Variants in B4GALNT4 observed in about 807,000 individuals in gnomAD.
B4GALNT4 encodes beta-1,4-N-acetyl-galactosaminyltransferase 4.
A neutral mutation model predicts 110.0 loss-of-function variants in B4GALNT4; 77 were observed. The ratio of observed to expected loss-of-function variants is 0.70; its 90% confidence interval spans 0.58 to 0.85. The LOEUF (loss-of-function observed/expected upper bound fraction) is 0.85. Among genes scored for constraint, B4GALNT4 ranks in the 40% least tolerant of loss-of-function variants. The pLI is 0.00. For missense variants in B4GALNT4, 1,575 were observed against 1,506.0 expected, an observed-to-expected ratio of 1.05 and a Z score of -0.76; for synonymous variants, 785 against 655.5, an observed-to-expected ratio of 1.20 and a Z score of -3.02.
chr11:373,046 G>C lies in B4GALNT4; in HGVS notation c.465G>C (p.Lys155Asn), dbSNP rs1049082667. The change falls in exon 5 of 20, where the codon AAG (lysine) becomes AAC (asparagine). Residue 155 changes from lysine to asparagine, a missense_variant. Transcript: ENST00000329962. ...CCCAGACGCGCACCACCGTGAAGAA[G>C]TTGGCCGTGTCCCCCAAGTGGAAGA... ...LFPHTRTTVK[K>N]LAVSPKWKNY... 6.2e-7 allele frequency: 1 copy of C among 1,612,640 alleles called. No individual in the cohort carries two copies. The highest frequency in any genetic ancestry group is 8.5e-7 in the Non-Finnish European group (1 of 1,179,900).
rs564577737 is a variant in B4GALNT4, at chr11:375,554, G to A, written c.850+27G>A. 3.2e-4 allele frequency: 516 copies of A among 1,607,190 alleles called. 6 individuals are homozygous for A. The South Asian group carries it at 5.4e-3, about 17-fold the overall frequency. On this transcript the variant is annotated intron_variant, in intron 9 of 19. Coordinates refer to ENST00000329962, the MANE Select transcript of B4GALNT4 (RefSeq NM_178537.5). Reference sequence around the variant, plus strand: ...TGCGAGCGGACGCCTCTGGGGATGTGGGGCTCCTCGGGATGGGCTCTGGGT... The same window carrying A: ...TGCGAGCGGACGCCTCTGGGGATGTAGGGCTCCTCGGGATGGGCTCTGGGT...
chr11:373,658 C>T, intron 7 of B4GALNT4, 92 bp from the exon 8 acceptor site: 1 of 1,531,694 alleles, frequency 6.5e-7, no homozygotes, highest in Non-Finnish European at 9.0e-7. Flanking sequence ...GAGGGCCAGC[C>T]CTGAGGGGTG....
Position 372,105 on chromosome 11 carries a change from G to A in B4GALNT4, c.152-4G>A, listed in dbSNP as rs1253989121. ...CCGAGACAGGCCTCATGTGCCACCT[G>A]CAGATGGTGAGAAGCTGACCAGTGA... On this transcript the variant is annotated splice_polypyrimidine_tract_variant and splice_region_variant and intron_variant, in intron 1 of 19. Coordinates refer to ENST00000329962, the MANE Select transcript of B4GALNT4 (RefSeq NM_178537.5). 1.3e-6 allele frequency: 2 copies of A among 1,548,674 alleles called. No individual in the cohort carries two copies. The highest frequency in any genetic ancestry group is 2.0e-4 in the Middle Eastern group (1 of 5,110).
At position 379,844 on chromosome 11, in the gene B4GALNT4, C is replaced by T. The variant is rs1364131539; in HGVS notation, c.2489-22C>T. On this transcript the variant is annotated intron_variant, in intron 15 of 19. Transcript: ENST00000329962. The stretch of plus-strand genomic sequence containing the variant: ...GTAGAGTCAGCGTCGGCTCAGCGCC[C>T]CCCCCGCCTTTTCTCCTCCAGTGAA... 9 of 1,576,770 alleles carry T rather than the reference C, an allele frequency of 5.7e-6. No individual in the cohort carries two copies. In the South Asian group the frequency reaches 5.8e-5, roughly 10 times the overall value.
In B4GALNT4 at chr11:373,131, G is replaced by T; in HGVS notation, c.535+15G>T. The T allele has an allele frequency of 6.2e-7, 1 of 1,612,490 alleles. No individual in the cohort carries two copies. Among genetic ancestry groups the T allele is most frequent in the South Asian group, 1.1e-5 (1 of 91,076 alleles). ...GGCGAGGGACGGTACGGGGGTGAGG[G>T]TGCCCCGGGGGAGGGGTGCCGTGAG... is the stretch of plus-strand genomic sequence containing the variant. On this transcript the variant is annotated intron_variant, in intron 5 of 19. Transcript: ENST00000329962.
chr11:376,009 C>G, intron 11 of B4GALNT4, 53 bp downstream of exon 11: 1 of 1,604,668 alleles, frequency 6.2e-7, no homozygotes, highest in Admixed American at 1.7e-5. Context: ...GGAGCCTTCT[C>G]CAGCCCCTTG....
chr11:374,125 C>G (rs1242827302), intron 8 of B4GALNT4, among the ~76,000 whole-genome samples: 1 of 151,840 alleles, frequency 6.6e-6, no homozygotes, highest in Non-Finnish European at 1.5e-5. Flanking sequence ...AGCGAAGGAA[C>G]AGACCCAGCA....
chr11:380,610 G>A, intron 18 of B4GALNT4, 165 bp downstream of exon 18: 1 of 1,266,376 alleles, frequency 7.9e-7, no homozygotes, highest in Non-Finnish European at 1.1e-6. Context: ...GCACACCCAG[G>A]GCCATGCCAG....
chr11:381,630 A>T (rs369171449), intron 19 of B4GALNT4, 39 bp from the exon 20 acceptor site: 2 of 1,325,254 alleles, frequency 1.5e-6, no homozygotes, highest in African/African-American at 1.9e-5. Context: ...TCCGTCCCCA[A>T]CCCCGGGGTC....
intron 19 of B4GALNT4, chr11:381,217 AG>A (rs957679025): frequency 1.2e-5 from 10 of 866,136 alleles, no homozygotes; most frequent in African/African-American, 1.8e-5. Flanking sequence ...GGTGGCCCTG[AG>A]TCCCCATCAT....
In B4GALNT4 at chr11:375,548, G is replaced by A. The variant is rs767382428; in HGVS notation, c.850+21G>A. 3.7e-6 allele frequency: 6 copies of A among 1,608,340 alleles called. No homozygotes were observed. In the African/African-American group the frequency reaches 8.0e-5, roughly 21 times the overall value. ...CACAGGTGCGAGCGGACGCCTCTGG[G>A]GATGTGGGGCTCCTCGGGATGGGCT... On this transcript the variant is annotated intron_variant, in intron 9 of 19. Transcript: ENST00000329962.
chr11:379,255 G>A (rs1455494894), intron 14 of B4GALNT4, among the ~76,000 whole-genome samples, 163 bp from the exon 15 acceptor site: 9 of 152,230 alleles, frequency 5.9e-5, no homozygotes, highest in Admixed American at 5.9e-4. Context: ...CTGGAAGGTG[G>A]ACCTGCCTGC....
intron 15 of B4GALNT4, 81 bp from the exon 16 acceptor site, chr11:379,785 G>A (rs950009548): frequency 1.3e-6 from 2 of 1,514,332 alleles, no homozygotes; most frequent in African/African-American, 1.4e-5. Flanking sequence ...GTGGGTGTCC[G>A]GGATGAAGTT....
At chr11:372,326 A>T in intron 2 of B4GALNT4, 114 bp downstream of exon 2, 1 of 956,998 alleles carries the variant, frequency 1.0e-6, no homozygotes, top group Non-Finnish European at 1.6e-6. Context: ...GGGGCATGAG[A>T]CACAGGACAT....
Position 376,916 on chromosome 11 carries a change from G to A in B4GALNT4, c.1793G>A (p.Gly598Glu). The A allele has an allele frequency of 7.2e-7, 1 of 1,382,112 alleles. No homozygotes were observed. Among genetic ancestry groups the A allele is most frequent in the Non-Finnish European group, 9.3e-7 (1 of 1,070,218 alleles). The allele number at this position is 1,382,112 out of a possible 1,614,324, so 85.6% of individuals were successfully genotyped here. ...CCAGCCCGGGCGCAGGCCACCCAAG[G>A]GGGCCGGGAGGGCCAGGCGCGCACG... ...RPPARAQATQGGREGQARTLG... is the reference protein window; with the variant it reads ...RPPARAQATQEGREGQARTLG... Residue 598 changes from glycine (G) to glutamate (E), a missense_variant, in exon 14 of 20, where the codon GGG (glycine) becomes GAG (glutamate). Transcript: ENST00000329962.
intron 14 of B4GALNT4, among the ~76,000 whole-genome samples, chr11:378,129 T>C (rs1846798513): frequency 6.6e-6 from 1 of 150,700 alleles, no homozygotes; most frequent in Admixed American, 6.6e-5. Context: ...CTGTTTCTCA[T>C]GTGTGTGATG....
chr11:373,408 A>AG, intron 6 of B4GALNT4, 41 bp from the exon 7 acceptor site: 7 of 808,200 alleles, frequency 8.7e-6, no homozygotes, highest in Non-Finnish European at 1.2e-5. Flanking sequence ...GAGAGAGTGA[A>AG]CCCCCCCCCC....
chr11:369,638 G>A lies in B4GALNT4; in HGVS notation c.-166G>A, dbSNP rs890236027. On this transcript the variant is annotated 5_prime_UTR_variant, in exon 1 of 20. Transcript: ENST00000329962. Reference sequence around the variant, plus strand: ...GGCCCGCGGCCGAGGGCGGCCTGGGGGGGTCGCGGCCGCACCCGGTGGCCG... The same window carrying A: ...GGCCCGCGGCCGAGGGCGGCCTGGGAGGGTCGCGGCCGCACCCGGTGGCCG... 6.9e-6 allele frequency among the ~76,000 whole-genome samples: 1 copy of A among 144,422 alleles called. No individual in the cohort carries two copies. Among genetic ancestry groups the A allele is most frequent in the South Asian group, 2.1e-4 (1 of 4,734 alleles). The allele number at this position is 144,422 out of a possible 152,430, so 94.7% of individuals were successfully genotyped here.
In B4GALNT4 at chr11:373,200, A is replaced by G; in HGVS notation, c.545A>G (p.Gln182Arg). ...FIHPARDGDVQFSVASDDNSE... is the reference protein window; with the variant it reads ...FIHPARDGDVRFSVASDDNSE... ...TAGTCTTGTGGACTAGGAGACGTCCAGTTTTCTGTGGCCTCAGACGACAAC... is the reference window on the plus strand; with the variant it reads ...TAGTCTTGTGGACTAGGAGACGTCCGGTTTTCTGTGGCCTCAGACGACAAC... The change falls in exon 6 of 20, where the codon CAG (glutamine) becomes CGG (arginine). Residue 182 changes from glutamine to arginine, a missense_variant. By Grantham distance (43) the Gln-to-Arg change is conservative (BLOSUM62 1). Transcript: ENST00000329962. 1 of 1,612,238 alleles carries G rather than the reference A, an allele frequency of 6.2e-7. No individual in the cohort carries two copies. Among genetic ancestry groups the G allele is most frequent in the South Asian group, 1.1e-5 (1 of 91,080 alleles).
Sources: gnomAD v4.1 joint callset for allele counts (sites outside exome capture counted in the v4.1 genomes callset) on GRCh38, gnomAD v4.1.1 for gene constraint, MANE v1.5 for transcripts, NCBI Gene and HGNC (gene_info 2026-07-23, HGNC 2026-07-21) for gene names.